The following CACNA2D4 variants were observed in gnomAD, a reference collection of about 807,000 sequenced individuals.
The protein encoded by CACNA2D4 is voltage-dependent calcium channel subunit alpha-2/delta-4.
A neutral mutation model predicts 163.8 loss-of-function variants in CACNA2D4; 157 were observed. That is an observed-to-expected ratio of 0.96 (90% CI 0.84 to 1.09). The LOEUF (loss-of-function observed/expected upper bound fraction) is 1.09. Among genes scored for constraint, CACNA2D4 ranks in the 50% least tolerant of loss-of-function variants. The pLI is 0.00. For synonymous variants in CACNA2D4, 598 were observed against 586.9 expected (o/e 1.02, Z -0.27); for missense variants, 1,410 against 1,479.9 (o/e 0.95, Z 0.78).
intron 20 of CACNA2D4, among the ~76,000 whole-genome samples, 179 bp downstream of exon 20, chr12:1,858,398 G>C (rs1865446110): frequency 6.6e-6 from 1 of 152,126 alleles, no homozygotes; most frequent in African/African-American, 2.4e-5. Flanking sequence ...TGCATGCCCT[G>C]GGAGCCAGGG....
At chr12:1,830,431 AG>A (rs1864569877) in intron 26 of CACNA2D4, among the ~76,000 whole-genome samples, 1 of 152,064 alleles carries the variant, frequency 6.6e-6, no homozygotes, top group African/African-American at 2.4e-5. Flanking sequence ...TGGGCCACAG[AG>A]GGGAGGGAGC....
chr12:1,909,948 G>C lies in CACNA2D4; in HGVS notation c.444C>G (p.Ala148=). ...ATTCGTGGTTCAGGTCGGCCTCCTC[G>C]GCAGCTTCCACCAGATTCTGAGGGA... ...VEAVQNLVEA[A]EEADLNHEFN... Residue 148 remains alanine, a synonymous_variant, in exon 4 of 38, where the codon GCC becomes GCG. Coordinates refer to ENST00000382722, the MANE Select transcript of CACNA2D4 (RefSeq NM_172364.5). 2.5e-6 allele frequency: 4 copies of C among 1,613,714 alleles called. No homozygotes were observed. Among genetic ancestry groups the C allele is most frequent in the Non-Finnish European group, 3.4e-6 (4 of 1,179,736 alleles).
At chr12:1,868,084 T>A (rs1565719387) in intron 18 of CACNA2D4, among the ~76,000 whole-genome samples, 4 of 152,172 alleles carry the variant, frequency 2.6e-5, no homozygotes, top group Non-Finnish European at 5.9e-5. Flanking sequence ...AAAGTAGAAC[T>A]GCCATGTGAC....
intron 26 of CACNA2D4, among the ~76,000 whole-genome samples, chr12:1,817,632 C>A (rs866004179): frequency 1.3e-5 from 2 of 152,112 alleles, no homozygotes; most frequent in African/African-American, 4.8e-5. Context: ...TGCAGGCGTG[C>A]GCCGCCACGC....
chr12:1,851,283 G>C (rs942015648), intron 23 of CACNA2D4, among the ~76,000 whole-genome samples: 1 of 152,164 alleles, frequency 6.6e-6, no homozygotes, highest in Non-Finnish European at 1.5e-5. Context: ...CTAGATTTTA[G>C]AGCAATTGGC....
rs909102700 is a variant in CACNA2D4, at chr12:1,883,476, C to T, written c.1352-476G>A. ...TGCTCAGGTTGTGGGGTGGGTGTTA[C>T]AGCCTATTCCCTGGAACCATGGTGA... is the stretch of plus-strand genomic sequence containing the variant. On this transcript the variant is annotated intron_variant, in intron 12 of 37. Coordinates refer to ENST00000382722, the MANE Select transcript of CACNA2D4 (RefSeq NM_172364.5). This position sits in a 1 kb window ranked among gnomAD's most constrained non-coding sequence, Gnocchi z 4.5. Among the ~76,000 whole-genome samples, 1 of 152,194 alleles carries T rather than the reference C, an allele frequency of 6.6e-6. No individual in the cohort carries two copies. Among genetic ancestry groups the T allele is most frequent in the Non-Finnish European group, 1.5e-5 (1 of 68,034 alleles).
intron 2 of CACNA2D4, 111 bp from the exon 3 acceptor site, chr12:1,913,250 C>A (rs1866880035): frequency 1.5e-5 from 11 of 743,716 alleles, no homozygotes; most frequent in South Asian, 7.9e-5. Flanking sequence ...GCACATGGAG[C>A]CTGGTTTACT....
intron 6 of CACNA2D4, among the ~76,000 whole-genome samples, chr12:1,898,712 T>C (rs753669539): frequency 1.3e-5 from 2 of 152,086 alleles, no homozygotes; most frequent in Non-Finnish European, 2.9e-5. Context: ...TGTGTACATA[T>C]ATATGTATAC....
At chr12:1,845,015 T>C (rs1411639407) in intron 24 of CACNA2D4, among the ~76,000 whole-genome samples, 1 of 141,240 alleles carries the variant, frequency 7.1e-6, no homozygotes, top group East Asian at 2.1e-4. Flanking sequence ...TTGCATTCCC[T>C]GAACACACGG....
rs750908142 is a variant in CACNA2D4 at position 1,837,296 on chromosome 12, G to A, written c.2551+3443C>T. ...TCTTTCAGCCTCACTGGATGCTGGCGGGGCTGCTGGCCAGGAGGAGGAGCC... is the reference window on the plus strand; with the variant it reads ...TCTTTCAGCCTCACTGGATGCTGGCAGGGCTGCTGGCCAGGAGGAGGAGCC... On this transcript the variant is annotated intron_variant, in intron 26 of 37. Coordinates refer to ENST00000382722, the MANE Select transcript of CACNA2D4 (RefSeq NM_172364.5). Among the ~76,000 whole-genome samples the A allele has an allele frequency of 1.7e-4, 26 of 152,228 alleles. 1 individual carries two copies. Among genetic ancestry groups the A allele is most frequent in the African/African-American group, 5.5e-4 (23 of 41,456 alleles).
At chr12:1,909,818 C>G in intron 4 of CACNA2D4, 88 bp downstream of exon 4, 1 of 1,099,138 alleles carries the variant, frequency 9.1e-7, no homozygotes, top group Non-Finnish European at 1.4e-6. Context: ...GGATCGCCAC[C>G]CTACGCCGCC....
At chr12:1,796,064 A>G (rs1863114472) in intron 35 of CACNA2D4, 1 of 388,964 alleles carries the variant, frequency 2.6e-6, no homozygotes, top group South Asian at 3.4e-5. Flanking sequence ...TGCTATTAAT[A>G]TATGCAGGGA....
At chr12:1,915,910 A>T (rs1163669372) in intron 1 of CACNA2D4, among the ~76,000 whole-genome samples, 2 of 152,258 alleles carry the variant, frequency 1.3e-5, no homozygotes. Context: ...GCCACCCCAC[A>T]GTCCCCACCC....
chr12:1,796,765 G>A (rs962636705), intron 35 of CACNA2D4, among the ~76,000 whole-genome samples: 2 of 152,216 alleles, frequency 1.3e-5, no homozygotes, highest in African/African-American at 4.8e-5. Flanking sequence ...TCTGGCTGAG[G>A]CGACCCTCGA....
intron 14 of CACNA2D4, among the ~76,000 whole-genome samples, chr12:1,879,451 C>T (rs1157972189): frequency 6.6e-6 from 1 of 152,134 alleles, no homozygotes; most frequent in East Asian, 1.9e-4. Context: ...GAGGCCTTTA[C>T]AGACAAGTTA....
At chr12:1,803,577 C>G (rs2154445468) in intron 29 of CACNA2D4, among the ~76,000 whole-genome samples, 1 of 152,240 alleles carries the variant, frequency 6.6e-6, no homozygotes, top group East Asian at 1.9e-4. Flanking sequence ...ATGCAACCCA[C>G]TAAAAATGCA....
intron 13 of CACNA2D4, among the ~76,000 whole-genome samples, 160 bp downstream of exon 13, chr12:1,882,707 G>A (rs1397669010): frequency 6.6e-6 from 1 of 152,182 alleles, no homozygotes; most frequent in Non-Finnish European, 1.5e-5. Context: ...AGGAAAAGAG[G>A]AGGAAAAGCA....
rs1026684629 is a variant in CACNA2D4 at position 1,799,120 on chromosome 12, T to G, written c.2995+555A>C. Among the ~76,000 whole-genome samples, 2 of 152,214 alleles carry G rather than the reference T, an allele frequency of 1.3e-5. No homozygotes were observed. Among genetic ancestry groups the G allele is most frequent in the Non-Finnish European group, 2.9e-5 (2 of 68,034 alleles). On this transcript the variant is annotated intron_variant, in intron 34 of 37. Coordinates refer to ENST00000382722, the MANE Select transcript of CACNA2D4 (RefSeq NM_172364.5). The surrounding 1 kb of genome is among the most constrained non-coding windows in gnomAD (Gnocchi z 4.7). ...GAGGCAAGATGGCCTCCTGCAGTCA[T>G]GGAGGGCCCAGGCGCCCGGGCAGTG...
intron 19 of CACNA2D4, among the ~76,000 whole-genome samples, chr12:1,859,770 T>C (rs571299185): frequency 6.6e-6 from 1 of 152,366 alleles, no homozygotes; most frequent in South Asian, 2.1e-4. Context: ...TCAGAGCCTC[T>C]TCTCAGAGAC....
Sources: gnomAD v4.1 joint callset for allele counts (sites outside exome capture counted in the v4.1 genomes callset) on GRCh38, gnomAD v4.1.1 for gene constraint, Gnocchi (gnomAD v3.1) non-coding constraint, MANE v1.5 for transcripts, NCBI Gene and HGNC (gene_info 2026-07-23, HGNC 2026-07-21) for gene names.